The following TRIM9 variants were observed in gnomAD, a reference collection of about 807,000 sequenced individuals.
TRIM9 encodes the protein tripartite motif containing 9.
In TRIM9, 26 loss-of-function variants were observed where a neutral mutation model predicts 78.3. The observed-to-expected ratio is 0.33, with a 90% CI of 0.24 to 0.46. The LOEUF (loss-of-function observed/expected upper bound fraction) is 0.46, where lower values mean the gene tolerates loss of function less well. TRIM9 is among the 20% of genes least tolerant of loss of function. The pLI, the probability that TRIM9 is intolerant of heterozygous loss-of-function variation, is 1.00. For missense variants in TRIM9, 787 were observed against 1,036.4 expected (o/e 0.76, Z 3.30); for synonymous variants, 398 against 416.5 (o/e 0.96, Z 0.54).
intron 1 of TRIM9, among the ~76,000 whole-genome samples, chr14:51,053,751 C>T (rs1039178909): frequency 2.7e-5 from 4 of 148,656 alleles, no homozygotes; most frequent in African/African-American, 7.7e-5. Context: ...TCCCCGCTCC[C>T]CCGACCCCAC....
At chr14:50,979,797 T>C (rs971934807) in intron 11 of TRIM9, among the ~76,000 whole-genome samples, 1 of 152,208 alleles carries the variant, frequency 6.6e-6, no homozygotes, top group Non-Finnish European at 1.5e-5. Flanking sequence ...CCTGCCACCA[T>C]CAATTTTCAC....
intron 1 of TRIM9, among the ~76,000 whole-genome samples, chr14:51,087,513 A>G (rs1186845049): frequency 2.6e-5 from 4 of 152,170 alleles, no homozygotes; most frequent in Non-Finnish European, 5.9e-5. Flanking sequence ...TAGGGTTGTG[A>G]GAACACCCCA....
intron 5 of TRIM9, among the ~76,000 whole-genome samples, chr14:51,004,736 T>A (rs1188940044): frequency 6.6e-6 from 1 of 152,186 alleles, no homozygotes; most frequent in Non-Finnish European, 1.5e-5. Flanking sequence ...TTACAGCTAG[T>A]AAGTGGCAGG....
Position 50,998,113 on chromosome 14 carries a change from T to C in TRIM9, c.1540A>G (p.Lys514Glu), listed in dbSNP as rs1401129270. The change falls in exon 7 of 13, where the codon AAG becomes GAG. Residue 514 changes from lysine (K) to glutamate (E), a missense_variant. By Grantham distance (56) the Lys-to-Glu change is moderately conservative. Transcript: ENST00000684578. The part of the protein sequence containing the change: ...HFNSTYNARV[K>E]AFNKTGVSPY... ...CTGACTCCTGTTTTGTTGAAGGCCT[T>C]GACCCGAGCGTTGTATGTGCTGTTG... 6.2e-7 allele frequency: 1 copy of C among 1,614,246 alleles called. No homozygotes were observed. Among genetic ancestry groups the C allele is most frequent in the Non-Finnish European group, 8.5e-7 (1 of 1,180,042 alleles).
chr14:50,980,398 G>A (rs993583482), intron 11 of TRIM9, among the ~76,000 whole-genome samples: 10 of 152,020 alleles, frequency 6.6e-5, no homozygotes, highest in Admixed American at 2.6e-4. Flanking sequence ...ATTGAACTTC[G>A]TCCTCATCTC....
chr14:51,031,324 G>A (rs1566597490), intron 1 of TRIM9, among the ~76,000 whole-genome samples: 1 of 152,056 alleles, frequency 6.6e-6, no homozygotes, highest in Non-Finnish European at 1.5e-5. Flanking sequence ...TTCCTAAGAT[G>A]ACCCCAGCCT....
chr14:51,042,432 C>T (rs963025354), intron 1 of TRIM9, among the ~76,000 whole-genome samples: 1 of 152,204 alleles, frequency 6.6e-6, no homozygotes, highest in Non-Finnish European at 1.5e-5. Context: ...CAGTGAAATT[C>T]ACTCACATTA....
At chr14:50,983,034 T>C (rs946826187) in intron 9 of TRIM9, 69 bp from the exon 10 acceptor site, 3 of 1,450,232 alleles carry the variant, frequency 2.1e-6, no homozygotes, top group Admixed American at 2.0e-5. Context: ...GATAAGAAAA[T>C]GTGTCTCTCT....
In TRIM9 at chr14:50,983,870, T is replaced by A. The variant is rs1325056632; in HGVS notation, c.1793-449A>T. Among the ~76,000 whole-genome samples the A allele has an allele frequency of 2.0e-5, 3 of 152,252 alleles. No individual in the cohort carries two copies. In the East Asian group the frequency reaches 5.8e-4, roughly 29 times the overall value. Reference sequence around the variant, plus strand: ...TTGTGACTTGAGCCCAAATTAAATATAACTAAATGTGTAATGTAATCCATT... The same window carrying A: ...TTGTGACTTGAGCCCAAATTAAATAAAACTAAATGTGTAATGTAATCCATT... On this transcript the variant is annotated intron_variant, in intron 8 of 12. Coordinates refer to ENST00000684578, the MANE Select transcript of TRIM9 (RefSeq NM_001387360.1).
intron 1 of TRIM9, among the ~76,000 whole-genome samples, chr14:51,080,113 G>A (rs994821187): frequency 2.6e-5 from 4 of 151,946 alleles, no homozygotes; most frequent in Non-Finnish European, 5.9e-5. Flanking sequence ...CTGTGTGAGA[G>A]GCATAGCAAA....
rs566286696 is a variant in TRIM9 at position 51,040,179 on chromosome 14, G to A, written c.823-14819C>T. Among the ~76,000 whole-genome samples, 8 of 152,250 alleles carry A rather than the reference G, an allele frequency of 5.3e-5. No homozygotes were observed. The East Asian group carries it at 1.4e-3, about 26-fold the overall frequency. On this transcript the variant is annotated intron_variant, in intron 1 of 12. Transcript: ENST00000684578. ...GAAAAAGTAAATATTTCCTCGGATG[G>A]TCTTATATTTTCAGTTGGACCTCTG...
rs1334069161 is a variant in TRIM9 at position 51,010,503 on chromosome 14, A to G, written c.1042-9T>C. The G allele has an allele frequency of 1.4e-6, 2 of 1,416,076 alleles. No individual in the cohort carries two copies. The highest frequency in any genetic ancestry group is 1.9e-6 in the Non-Finnish European group (2 of 1,036,138). The allele number at this position is 1,416,076 out of a possible 1,614,324, so 87.7% of individuals were successfully genotyped here. On this transcript the variant is annotated splice_polypyrimidine_tract_variant and intron_variant, in intron 3 of 12. Coordinates refer to ENST00000684578, the MANE Select transcript of TRIM9 (RefSeq NM_001387360.1). ...ATCTGATCTCGAACCACCTAGGATT[A>G]AAAAAAAAACAACAGAACAGTCCAA...
At chr14:51,021,001 T>C (rs2057707063) in intron 3 of TRIM9, among the ~76,000 whole-genome samples, 1 of 152,242 alleles carries the variant, frequency 6.6e-6, no homozygotes, top group Non-Finnish European at 1.5e-5. Context: ...GGTACTTAAA[T>C]AGTTGTTCCA....
intron 1 of TRIM9, among the ~76,000 whole-genome samples, chr14:51,033,607 T>C (rs1316807675): frequency 6.6e-6 from 1 of 152,190 alleles, no homozygotes; most frequent in African/African-American, 2.4e-5. Context: ...CCTACTCCCT[T>C]GTCATCCTTG....
At chr14:51,037,146 C>G (rs2059220229) in intron 1 of TRIM9, among the ~76,000 whole-genome samples, 1 of 152,146 alleles carries the variant, frequency 6.6e-6, no homozygotes. Flanking sequence ...CCTCAAAATG[C>G]TTTACTTACT....
chr14:50,982,136 G>C (rs1283644492), intron 10 of TRIM9, 33 bp from the exon 11 acceptor site: 1 of 1,607,366 alleles, frequency 6.2e-7, no homozygotes, highest in South Asian at 1.1e-5. Context: ...AGGTTATTAA[G>C]ACAGACCCAA....
At chr14:51,008,109 T>C (rs1266523267) in intron 5 of TRIM9, among the ~76,000 whole-genome samples, 1 of 152,086 alleles carries the variant, frequency 6.6e-6, no homozygotes, top group Admixed American at 6.6e-5. Context: ...ACTATAGAGA[T>C]GGAGAAAAGA....
At chr14:50,997,620 A>G in intron 7 of TRIM9, 1 of 1,019,340 alleles carries the variant, frequency 9.8e-7, no homozygotes, top group African/African-American at 1.7e-5. Flanking sequence ...GAAAGAACCT[A>G]GGTCCCACCC....
chr14:51,067,501 C>T (rs1483344798), intron 1 of TRIM9, among the ~76,000 whole-genome samples: 1 of 152,120 alleles, frequency 6.6e-6, no homozygotes, highest in Non-Finnish European at 1.5e-5. Flanking sequence ...ACATTCAAAC[C>T]CTTTGCCAGG....
Sources: gnomAD v4.1 joint callset for allele counts (sites outside exome capture counted in the v4.1 genomes callset) on GRCh38, gnomAD v4.1.1 for gene constraint, MANE v1.5 for transcripts, NCBI Gene and HGNC (gene_info 2026-07-23, HGNC 2026-07-21) for gene names.